The following NWD1 variants were observed in gnomAD, a reference collection of about 807,000 sequenced individuals.
NWD1 encodes NACHT and WD repeat domain containing 1.
A neutral mutation model predicts 135.1 loss-of-function variants in NWD1; 129 were observed. That is an observed-to-expected ratio of 0.96 (90% CI 0.83 to 1.11). NWD1 has a LOEUF of 1.11. NWD1 is among the 50% of genes least tolerant of loss of function. The pLI is 0.00. For synonymous variants in NWD1, 773 were observed against 786.0 expected, an observed-to-expected ratio of 0.98 and a Z score of 0.28; for missense variants, 1,740 against 1,851.3, an observed-to-expected ratio of 0.94 and a Z score of 1.10.
chr19:16,769,980 G>A (rs1969359951), intron 10 of NWD1, among the ~76,000 whole-genome samples: 1 of 152,180 alleles, frequency 6.6e-6, no homozygotes, highest in Non-Finnish European at 1.5e-5. Flanking sequence ...TGGGACCACA[G>A]GTGCACACCA....
chr19:16,722,476 G>A (rs1324187122), intron 1 of NWD1, among the ~76,000 whole-genome samples: 1 of 151,600 alleles, frequency 6.6e-6, no homozygotes, highest in Non-Finnish European at 1.5e-5. Flanking sequence ...TTTAGTAGAG[G>A]CGGGGTTTCT....
chr19:16,721,140 G>A (rs958508466), intron 1 of NWD1, among the ~76,000 whole-genome samples: 2 of 152,090 alleles, frequency 1.3e-5, no homozygotes, highest in African/African-American at 4.8e-5. Flanking sequence ...GTGAGCCACT[G>A]CACCCAGCCT....
intron 2 of NWD1, among the ~76,000 whole-genome samples, chr19:16,728,964 AT>A (rs1488718612): frequency 2.1e-3 from 268 of 128,140 alleles, no homozygotes; most frequent in African/African-American, 5.4e-3. Flanking sequence ...AAAAAAAAAA[AT>A]AAGTAATTGC....
Position 16,791,392 on chromosome 19 carries a change from ATC to A in NWD1, c.2984_2985del (p.Ile995ThrfsTer6). On this transcript the variant is annotated frameshift_variant, in exon 14 of 19. Coordinates refer to ENST00000524140, the MANE Select transcript of NWD1 (RefSeq NM_001007525.5). LOFTEE classifies it high-confidence loss of function. ...NLETAEPVFHILGDASDPWMC... is the reference protein window; with the variant it reads ...NLETAEPVFHXLGDASDPWMC... The stretch of plus-strand genomic sequence containing the variant: ...GGAAACTGCAGAGCCGGTATTCCAT[ATC>A]CTGGGAGATGCCTCTGATCCTTGGA... 1 of 1,614,118 alleles carries A rather than the reference ATC, an allele frequency of 6.2e-7. No homozygotes were observed.
intron 4 of NWD1, among the ~76,000 whole-genome samples, chr19:16,743,370 C>A (rs1286502929): frequency 7.2e-5 from 11 of 152,022 alleles, no homozygotes; most frequent in Admixed American, 7.2e-4. Flanking sequence ...ACCCCCACAC[C>A]CTGATAATTT....
intron 5 of NWD1, 48 bp downstream of exon 5, chr19:16,744,766 C>A (rs752112623): frequency 6.8e-7 from 1 of 1,466,670 alleles, no homozygotes; most frequent in Non-Finnish European, 9.2e-7. Flanking sequence ...AAACTGACCA[C>A]GTGTTCAGAA....
Position 16,807,821 on chromosome 19 carries a change from GC to G in NWD1, c.3973del (p.Leu1325TrpfsTer33). 6.2e-7 allele frequency: 1 copy of G among 1,614,194 alleles called. No homozygotes were observed. Among genetic ancestry groups the G allele is most frequent in the Non-Finnish European group, 8.5e-7 (1 of 1,180,046 alleles). ...TCGCCTATGACAACATCGTCCTGGT[GC>G]TGGACATCACCTCCGGGGACCCCTG... ...AIAYDNIVLV[L>X]DITSGDPCPV... On this transcript the variant is annotated frameshift_variant, in exon 18 of 19. Coordinates refer to ENST00000524140, the MANE Select transcript of NWD1 (RefSeq NM_001007525.5). LOFTEE classifies it high-confidence loss of function.
chr19:16,728,836 C>T (rs913290719), intron 2 of NWD1, among the ~76,000 whole-genome samples: 9 of 149,588 alleles, frequency 6.0e-5, no homozygotes, highest in African/African-American at 9.9e-5. Flanking sequence ...CCCAGCTGCT[C>T]GGGAGGCTGA....
chr19:16,790,304 T>C (rs1170937548), intron 13 of NWD1, among the ~76,000 whole-genome samples: 2 of 152,158 alleles, frequency 1.3e-5, no homozygotes, highest in African/African-American at 4.8e-5. Flanking sequence ...TATCCTGGCA[T>C]AGTGCTTAGC....
Position 16,765,040 on chromosome 19 carries a change from T to TG in NWD1, c.2259dup (p.Ser754GlufsTer13). On this transcript the variant is annotated frameshift_variant, in exon 10 of 19. Transcript: ENST00000524140. LOFTEE classifies it high-confidence loss of function. Reference sequence around the variant, plus strand: ...CCCCCCTTCTCTCCCTCAGGCAGCATGAGCTGGATTTCCTGCCGGGGCATC... The same window carrying TG: ...CCCCCCTTCTCTCCCTCAGGCAGCATGGAGCTGGATTTCCTGCCGGGGCATC... 6.2e-7 allele frequency: 1 copy of TG among 1,614,136 alleles called. No homozygotes were observed. The highest frequency in any genetic ancestry group is 8.5e-7 in the Non-Finnish European group (1 of 1,180,004).
chr19:16,746,394 G>T (rs955412329), intron 5 of NWD1, among the ~76,000 whole-genome samples: 5 of 146,880 alleles, frequency 3.4e-5, no homozygotes, highest in African/African-American at 1.3e-4. Context: ...TAAACAGTTG[G>T]CCGGGTGCGG....
At chr19:16,728,251 G>A (rs1423811958) in intron 2 of NWD1, among the ~76,000 whole-genome samples, 2 of 148,526 alleles carry the variant, frequency 1.3e-5, no homozygotes, top group Non-Finnish European at 3.0e-5. Context: ...GGAGAACAGA[G>A]TATTATGGAA....
chr19:16,761,847 C>G (rs1969024830), intron 7 of NWD1, 132 bp from the exon 8 acceptor site: 1 of 607,004 alleles, frequency 1.6e-6, no homozygotes, highest in Admixed American at 3.0e-5. Flanking sequence ...TGTGATGTAT[C>G]AAATAGCACA....
chr19:16,789,254 G>T, intron 13 of NWD1, 64 bp downstream of exon 13: 1 of 1,333,772 alleles, frequency 7.5e-7, no homozygotes, highest in South Asian at 1.2e-5. Context: ...GACAGAATAG[G>T]CCATTTCTAT....
At chr19:16,780,158 CTT>C (rs530860435) in intron 12 of NWD1, among the ~76,000 whole-genome samples, 17 of 138,820 alleles carry the variant, frequency 1.2e-4, no homozygotes, top group Admixed American at 2.9e-4. Flanking sequence ...GGCAAGGTTT[CTT>C]TTTTTTTTTT....
Position 16,797,773 on chromosome 19 carries a change from G to A in NWD1, c.3346G>A (p.Gly1116Ser), listed in dbSNP as rs1214925408. Residue 1116 changes from glycine to serine, a missense_variant, in exon 16 of 19, where the codon GGC becomes AGC. Coordinates refer to ENST00000524140, the MANE Select transcript of NWD1 (RefSeq NM_001007525.5). ...GCGGATATTCTTGGCGGACTCGAGG[G>A]GCTTTCGCCGATTCATGGCCATGGA... ...SVRIFLADSR[G>S]FRRFMAMDLE... 6.2e-7 allele frequency: 1 copy of A among 1,614,092 alleles called. No individual in the cohort carries two copies. Among genetic ancestry groups the A allele is most frequent in the South Asian group, 1.1e-5 (1 of 91,084 alleles).
chr19:16,763,782 T>A (rs1416645633), intron 8 of NWD1, 46 bp from the exon 9 acceptor site: 1 of 1,195,170 alleles, frequency 8.4e-7, no homozygotes, highest in African/African-American at 1.5e-5. Flanking sequence ...GTGGAGTGAA[T>A]GAATGGGTTT....
intron 3 of NWD1, among the ~76,000 whole-genome samples, chr19:16,735,012 CT>C (rs1418047380): frequency 6.6e-6 from 1 of 152,132 alleles, no homozygotes. Context: ...AATCCTCATG[CT>C]TCAGCCTCCA....
chr19:16,781,782 A>G (rs1366132558), intron 12 of NWD1, among the ~76,000 whole-genome samples: 2 of 152,126 alleles, frequency 1.3e-5, no homozygotes, highest in Non-Finnish European at 2.9e-5. Context: ...CAAGTCATCG[A>G]AAATTAGCTT....
Sources: allele counts gnomAD v4.1 joint callset (sites outside exome capture counted in the v4.1 genomes callset), GRCh38; gene constraint gnomAD v4.1.1; transcripts MANE v1.5; gene names NCBI Gene and HGNC (gene_info 2026-07-23, HGNC 2026-07-21).